CNTN5: variants seen among roughly 807,000 people sequenced by gnomAD.
CNTN5 encodes the protein contactin-5.
Under a neutral mutation model 129.1 loss-of-function variants are expected in CNTN5, and 77 were observed. The ratio of observed to expected loss-of-function variants is 0.60; its 90% CI spans 0.50 to 0.72. CNTN5 has a LOEUF of 0.72. Among genes scored for constraint, CNTN5 ranks in the 30% least tolerant of loss-of-function variants. CNTN5 has a pLI of 0.00. For synonymous variants in CNTN5, 509 were observed against 465.6 expected (o/e 1.09, Z -1.20); for missense variants, 1,478 against 1,328.8 (o/e 1.11, Z -1.75).
At position 100,074,310 on chromosome 11, in the gene CNTN5, A is replaced by G. The variant is rs376916655; in HGVS notation, c.1580+16A>G. The G allele has an allele frequency of 1.9e-6, 3 of 1,565,598 alleles. No individual in the cohort carries two copies. The highest frequency in any genetic ancestry group is 1.7e-6 in the Non-Finnish European group (2 of 1,154,004). On this transcript the variant is annotated intron_variant, in intron 13 of 24. Transcript: ENST00000524871. ...AAAACAAAAGGTTAGAATCTATTTT[A>G]TAATTCAAGTTCAACATTAGACTTT...
At chr11:99,824,275 T>G (rs180979072) in intron 4 of CNTN5, among the ~76,000 whole-genome samples, 10 of 152,166 alleles carry the variant, frequency 6.6e-5, no homozygotes, top group Admixed American at 3.9e-4. Context: ...TTTCTCCACA[T>G]TGTCACCAAC....
chr11:99,130,995 G>A lies in CNTN5; in HGVS notation c.-210+109725G>A, dbSNP rs564484062. On this transcript the variant is annotated intron_variant, in intron 1 of 24. Coordinates refer to ENST00000524871, the MANE Select transcript of CNTN5 (RefSeq NM_014361.4). ...GGGAAATTTATGGCTGGGTGCGGTG[G>A]CTCACCCCTGTAATCCCAGCACTTT... 2.0e-5 allele frequency among the ~76,000 whole-genome samples: 3 copies of A among 152,094 alleles called. No individual in the cohort carries two copies. In the East Asian group the frequency reaches 5.8e-4, roughly 30 times the overall value.
At chr11:99,854,146 T>G (rs1434299571) in intron 6 of CNTN5, among the ~76,000 whole-genome samples, 2 of 152,154 alleles carry the variant, frequency 1.3e-5, no homozygotes, top group African/African-American at 2.4e-5. Flanking sequence ...ACCATTCTAT[T>G]TCATATAAAT....
chr11:100,167,737 G>T (rs1424547429), intron 13 of CNTN5, among the ~76,000 whole-genome samples: 1 of 151,918 alleles, frequency 6.6e-6, no homozygotes, highest in South Asian at 2.1e-4. Context: ...ACTGAAGAAT[G>T]GGTGTCAGCT....
In CNTN5 at chr11:100,340,475, A is replaced by G. The variant is rs1300142186; in HGVS notation, c.2743A>G (p.Lys915Glu). 1 of 1,608,738 alleles carries G rather than the reference A, an allele frequency of 6.2e-7. No individual in the cohort carries two copies. Among genetic ancestry groups the G allele is most frequent in the Non-Finnish European group, 8.5e-7 (1 of 1,177,538 alleles). ...AATTTGTTGATAGGTTGGTTACTGG[A>G]AAGACATGGAACAGGAAGATACAGC... ...RPQGFEVGYW[K>E]DMEQEDTAET... The change falls in exon 22 of 25, where the codon AAA (lysine) becomes GAA (glutamate). Residue 915 changes from lysine (K) to glutamate (E), a missense_variant. Coordinates refer to ENST00000524871, the MANE Select transcript of CNTN5 (RefSeq NM_014361.4).
intron 1 of CNTN5, among the ~76,000 whole-genome samples, chr11:99,195,984 C>G (rs982836795): frequency 2.0e-5 from 3 of 151,882 alleles, no homozygotes; most frequent in Non-Finnish European, 2.9e-5. Context: ...TAAAGAAATT[C>G]TGCATTACTA....
chr11:99,979,215 G>A (rs1470043362), intron 8 of CNTN5, among the ~76,000 whole-genome samples: 2 of 152,142 alleles, frequency 1.3e-5, no homozygotes, highest in Non-Finnish European at 2.9e-5. Flanking sequence ...AGAGGAGATA[G>A]ACAAGTTAAT....
At chr11:99,969,060 A>G (rs973714191) in intron 8 of CNTN5, among the ~76,000 whole-genome samples, 5 of 152,124 alleles carry the variant, frequency 3.3e-5, no homozygotes, top group Admixed American at 6.5e-5. Flanking sequence ...GTCCTTGGCA[A>G]TCAGTCATTC....
intron 2 of CNTN5, among the ~76,000 whole-genome samples, chr11:99,474,855 A>G (rs1945310740): frequency 6.6e-6 from 1 of 152,192 alleles, no homozygotes; most frequent in African/African-American, 2.4e-5. Flanking sequence ...GAATAAAACA[A>G]TATTTGTTTG....
chr11:99,152,285 TATTC>T (rs1860102505), intron 1 of CNTN5, among the ~76,000 whole-genome samples: 1 of 152,224 alleles, frequency 6.6e-6, no homozygotes. Context: ...TTTTAAAAAA[TATTC>T]ATGAGACATT....
intron 1 of CNTN5, among the ~76,000 whole-genome samples, chr11:99,223,515 A>G (rs1480729929): frequency 6.6e-6 from 1 of 152,168 alleles, no homozygotes; most frequent in Non-Finnish European, 1.5e-5. Flanking sequence ...CTTCAAATTC[A>G]CTTATCTTTT....
chr11:100,025,731 G>C (rs1018166715), intron 9 of CNTN5, among the ~76,000 whole-genome samples: 8 of 152,194 alleles, frequency 5.3e-5, no homozygotes, highest in Admixed American at 4.6e-4. Context: ...AGATTTGACT[G>C]CCTCACTGGA....
At chr11:99,055,870 C>G (rs1864605213) in intron 1 of CNTN5, among the ~76,000 whole-genome samples, 1 of 152,022 alleles carries the variant, frequency 6.6e-6, no homozygotes, top group Non-Finnish European at 1.5e-5. Flanking sequence ...CAGGCTCCCT[C>G]TATTCCTTCA....
chr11:99,304,785 T>C (rs938092582), intron 1 of CNTN5, among the ~76,000 whole-genome samples: 5 of 152,198 alleles, frequency 3.3e-5, no homozygotes, highest in African/African-American at 1.2e-4. Flanking sequence ...ACTTCACTCC[T>C]GAAGTATGGT....
chr11:99,648,317 T>TAA (rs1356594827), intron 3 of CNTN5, among the ~76,000 whole-genome samples: 4 of 151,544 alleles, frequency 2.6e-5, no homozygotes, highest in Non-Finnish European at 5.9e-5. Context: ...TTGTAAAAAA[T>TAA]GTTCAGCATT....
rs150380600 is a variant in CNTN5 at position 99,163,796 on chromosome 11, C to G, written c.-210+142526C>G. 2.6e-5 allele frequency among the ~76,000 whole-genome samples: 4 copies of G among 152,236 alleles called. No homozygotes were observed. The South Asian group carries it at 8.3e-4, about 32-fold the overall frequency. ...GTTTGAATGTCACATTTAACCTCAG[C>G]CTACCTTTGTTCCCATGCAGAGATT... On this transcript the variant is annotated intron_variant, in intron 1 of 24. Coordinates refer to ENST00000524871, the MANE Select transcript of CNTN5 (RefSeq NM_014361.4).
chr11:100,342,626 T>G (rs1952191565), intron 23 of CNTN5, among the ~76,000 whole-genome samples: 1 of 152,150 alleles, frequency 6.6e-6, no homozygotes, highest in Admixed American at 6.5e-5. Context: ...TTCCCAGTCA[T>G]TGTTCTTACT....
chr11:99,999,295 C>A (rs1197966826), intron 8 of CNTN5, among the ~76,000 whole-genome samples: 2 of 151,990 alleles, frequency 1.3e-5, no homozygotes, highest in Non-Finnish European at 2.9e-5. Flanking sequence ...ACAATGAACT[C>A]CAACAAATTT....
chr11:99,846,085 T>C (rs138939281), intron 6 of CNTN5, among the ~76,000 whole-genome samples: 1 of 151,344 alleles, frequency 6.6e-6, no homozygotes, highest in East Asian at 1.9e-4. Context: ...ATGTCCCAGT[T>C]TTCGTATTGC....
Sources: allele counts gnomAD v4.1 joint callset (sites outside exome capture counted in the v4.1 genomes callset), GRCh38; gene constraint gnomAD v4.1.1; transcripts MANE v1.5; gene names NCBI Gene and HGNC (gene_info 2026-07-23, HGNC 2026-07-21).